The following MAK variants were observed in gnomAD, a reference collection of about 807,000 sequenced individuals.
The protein encoded by MAK is male germ cell associated kinase, also known as serine/threonine-protein kinase MAK.
In MAK, 65 loss-of-function variants were observed where a neutral mutation model predicts 82.6. That is an observed-to-expected ratio of 0.79 (90% confidence interval 0.64 to 0.97). MAK has a LOEUF of 0.97. MAK is among the 50% of genes least tolerant of loss of function. MAK has a pLI of 0.00. For missense variants in MAK, 703 were observed against 780.2 expected (o/e 0.90, Z 1.18); for synonymous variants, 250 against 274.2 (o/e 0.91, Z 0.87).
At chr6:10,836,854 G>T (rs565560625) in intron 1 of MAK, among the ~76,000 whole-genome samples, 119 of 152,194 alleles carry the variant, frequency 7.8e-4, no homozygotes, top group Non-Finnish European at 1.6e-3. Flanking sequence ...TAAAGAAAAA[G>T]ATGCTTATTT....
At chr6:10,811,514 T>C (rs541111080) in intron 5 of MAK, among the ~76,000 whole-genome samples, 26 of 152,238 alleles carry the variant, frequency 1.7e-4, no homozygotes, top group Non-Finnish European at 3.7e-4. Flanking sequence ...TTCAATCCCT[T>C]ATGCTTCAGA....
chr6:10,767,103 G>A (rs777239037), intron 14 of MAK, among the ~76,000 whole-genome samples: 5 of 150,250 alleles, frequency 3.3e-5, no homozygotes, highest in Middle Eastern at 3.4e-3. Context: ...CTGCAAGAGC[G>A]GGAGGGATAG....
chr6:10,796,378 G>T, intron 8 of MAK, 69 bp from the exon 9 acceptor site: 1 of 1,328,334 alleles, frequency 7.5e-7, no homozygotes, highest in Non-Finnish European at 1.1e-6. Flanking sequence ...ATAAACTATG[G>T]TTGGCCCTGT....
chr6:10,830,124 C>CGTGTGTGTGTGTGTGTGTGTGT (rs35519970), intron 2 of MAK, among the ~76,000 whole-genome samples: 2 of 141,500 alleles, frequency 1.4e-5, no homozygotes, highest in Non-Finnish European at 3.1e-5. Flanking sequence ...CCTGTGTGCA[C>CGTGTGTGTGTGTGTGTGTGTGT]GTGTGTGTGT....
intron 13 of MAK, among the ~76,000 whole-genome samples, chr6:10,771,514 C>A (rs187452898): frequency 2.7e-4 from 41 of 152,286 alleles, no homozygotes; most frequent in African/African-American, 7.9e-4. Context: ...GGAAGGGAGA[C>A]AGGTTTATCT....
At position 10,770,237 on chromosome 6, in the gene MAK, ACATAT is replaced by A. The variant is rs756764891; in HGVS notation, c.1673-12_1673-8del. 2.2e-5 allele frequency: 35 copies of A among 1,613,728 alleles called. No individual in the cohort carries two copies. Among genetic ancestry groups the A allele is most frequent in the Middle Eastern group, 3.3e-4 (2 of 6,082 alleles). On this transcript the variant is annotated splice_region_variant and splice_polypyrimidine_tract_variant and intron_variant, in intron 13 of 14. Transcript: ENST00000354489. ...GCATAACTTCCAAGATTTCCTAGTG[ACATAT>A]CATAAAGTTTCACAGTCAGAAGGTG...
chr6:10,765,934 T>TTATC (rs1332510045), intron 14 of MAK, among the ~76,000 whole-genome samples: 13 of 152,242 alleles, frequency 8.5e-5, no homozygotes, highest in African/African-American at 2.7e-4. Context: ...TGAACATTTG[T>TTATC]TATCTGAACA....
At chr6:10,813,809 C>G in intron 4 of MAK, 86 bp from the exon 5 acceptor site, 1 of 779,592 alleles carries the variant, frequency 1.3e-6, no homozygotes, top group Non-Finnish European at 2.4e-6. Context: ...TGCCTTGGAG[C>G]CTCTACTGGC....
chr6:10,799,625 A>G (rs1338103976), intron 8 of MAK, among the ~76,000 whole-genome samples: 1 of 152,150 alleles, frequency 6.6e-6, no homozygotes, highest in Non-Finnish European at 1.5e-5. Context: ...TTTAAAAAAG[A>G]AAAATTAGAA....
intron 6 of MAK, among the ~76,000 whole-genome samples, chr6:10,804,741 CTCTT>C (rs1776277681): frequency 6.6e-6 from 1 of 152,172 alleles, no homozygotes; most frequent in Non-Finnish European, 1.5e-5. Flanking sequence ...ACTCTCAATT[CTCTT>C]TTTTTCCAAC....
intron 11 of MAK, among the ~76,000 whole-genome samples, chr6:10,782,985 T>C (rs1774142975): frequency 1.3e-5 from 2 of 152,190 alleles, no homozygotes; most frequent in African/African-American, 4.8e-5. Flanking sequence ...CCTTTTCTCT[T>C]GTTTGCCATG....
At chr6:10,810,931 T>C (rs577839366) in intron 5 of MAK, among the ~76,000 whole-genome samples, 2 of 152,318 alleles carry the variant, frequency 1.3e-5, no homozygotes, top group East Asian at 1.9e-4. Context: ...CATCCTAATA[T>C]ACATATATTA....
intron 13 of MAK, among the ~76,000 whole-genome samples, 183 bp from the exon 14 acceptor site, chr6:10,770,413 A>C (rs1772896592): frequency 6.6e-6 from 1 of 152,176 alleles, no homozygotes; most frequent in African/African-American, 2.4e-5. Flanking sequence ...CTTAGATCAT[A>C]TTAGTATCCA....
chr6:10,827,146 T>TA (rs1778437447), intron 2 of MAK, among the ~76,000 whole-genome samples: 1 of 152,004 alleles, frequency 6.6e-6, no homozygotes, highest in Non-Finnish European at 1.5e-5. Flanking sequence ...TTTTGAAGGA[T>TA]AAAACAAATA....
intron 2 of MAK, among the ~76,000 whole-genome samples, chr6:10,820,282 G>A (rs756195969): frequency 5.3e-5 from 8 of 152,122 alleles, no homozygotes; most frequent in South Asian, 4.1e-4. Flanking sequence ...GAAGCTTAGC[G>A]TTGTCTTTAT....
intron 10 of MAK, among the ~76,000 whole-genome samples, chr6:10,785,366 C>T (rs930961693): frequency 5.9e-5 from 9 of 152,202 alleles, no homozygotes; most frequent in African/African-American, 1.9e-4. Context: ...CCAACCTTCT[C>T]CCCACCACCC....
At chr6:10,813,093 T>C (rs1411552261) in intron 5 of MAK, among the ~76,000 whole-genome samples, 2 of 490 alleles carry the variant, frequency 4.1e-3, no homozygotes, top group East Asian at 0.045. Context: ...TTTTTATATA[T>C]ATATATATAT....
At chr6:10,810,213 G>A (rs1376987802) in intron 5 of MAK, among the ~76,000 whole-genome samples, 1 of 151,818 alleles carries the variant, frequency 6.6e-6, no homozygotes, top group Admixed American at 6.6e-5. Context: ...TCTAAGGGCA[G>A]TCTACAGCAT....
intron 7 of MAK, among the ~76,000 whole-genome samples, chr6:10,803,317 C>G (rs112045332): frequency 6.6e-6 from 1 of 151,818 alleles, no homozygotes; most frequent in Non-Finnish European, 1.5e-5. Flanking sequence ...GTGGGCAGAT[C>G]GCAGATCGCT....
Sources: gnomAD v4.1 joint callset for allele counts (sites outside exome capture counted in the v4.1 genomes callset) on GRCh38, gnomAD v4.1.1 for gene constraint, MANE v1.5 for transcripts, NCBI Gene and HGNC (gene_info 2026-07-23, HGNC 2026-07-21) for gene names.